MDFIC2: variants seen among roughly 807,000 people sequenced by gnomAD.
MDFIC2 encodes the protein MyoD family inhibitor domain containing 2.
At chr3:70,216,210 T>G (rs1398067668) in intron 2 of MDFIC2, among the ~76,000 whole-genome samples, 1 of 150,634 alleles carries the variant, frequency 6.6e-6, no homozygotes, top group Non-Finnish European at 1.5e-5. Context: ...CTAATTCTAC[T>G]TTATATATAA....
intron 2 of MDFIC2, among the ~76,000 whole-genome samples, chr3:70,261,428 C>G (rs1258124096): frequency 6.6e-6 from 1 of 152,196 alleles, no homozygotes; most frequent in Non-Finnish European, 1.5e-5. Context: ...CAGCTGCAGC[C>G]ATCTAGCACT....
At chr3:70,207,031 T>C (rs1701297967) in intron 2 of MDFIC2, among the ~76,000 whole-genome samples, 1 of 139,682 alleles carries the variant, frequency 7.2e-6, no homozygotes, top group Non-Finnish European at 1.5e-5. Context: ...CACTTATTTC[T>C]ACTTTTTTTT....
intron 2 of MDFIC2, among the ~76,000 whole-genome samples, chr3:70,244,007 C>A (rs1459289837): frequency 1.3e-5 from 2 of 152,102 alleles, no homozygotes; most frequent in East Asian, 3.9e-4. Flanking sequence ...CTTTCATCTC[C>A]CCTCTACGCA....
chr3:70,270,614 T>C (rs1197712437), intron 2 of MDFIC2, among the ~76,000 whole-genome samples: 1 of 152,170 alleles, frequency 6.6e-6, no homozygotes, highest in African/African-American at 2.4e-5. Context: ...GGGTTTTCTC[T>C]ATGTATATAC....
At chr3:70,308,552 C>A (rs1195995057) in intron 2 of MDFIC2, among the ~76,000 whole-genome samples, 1 of 152,078 alleles carries the variant, frequency 6.6e-6, no homozygotes, top group Non-Finnish European at 1.5e-5. Context: ...TGTGAACAGG[C>A]CCATGACCCA....
intron 2 of MDFIC2, among the ~76,000 whole-genome samples, chr3:70,222,483 G>A (rs1701469684): frequency 6.6e-6 from 1 of 152,188 alleles, no homozygotes; most frequent in African/African-American, 2.4e-5. Context: ...ACTTTGGATA[G>A]GTTGGTTTTC....
intron 2 of MDFIC2, among the ~76,000 whole-genome samples, chr3:70,290,242 T>C (rs1416190241): frequency 1.3e-5 from 2 of 152,314 alleles, no homozygotes; most frequent in East Asian, 1.9e-4. Context: ...GTTTTTGGTG[T>C]GGATGTCCTT....
intron 2 of MDFIC2, among the ~76,000 whole-genome samples, chr3:70,260,246 A>G (rs1362973726): frequency 6.6e-6 from 1 of 151,864 alleles, no homozygotes; most frequent in Non-Finnish European, 1.5e-5. Flanking sequence ...CCTAACTCCA[A>G]TCTCTGCCTT....
chr3:70,283,952 C>A (rs1702115064), intron 2 of MDFIC2: 1 of 152,052 alleles, frequency 6.6e-6, no homozygotes, highest in African/African-American at 2.4e-5. Flanking sequence ...TGCTTTACTT[C>A]TGATCCCTGA....
intron 2 of MDFIC2, among the ~76,000 whole-genome samples, chr3:70,223,855 A>G (rs945196638): frequency 2.0e-5 from 3 of 152,046 alleles, no homozygotes; most frequent in African/African-American, 7.2e-5. Flanking sequence ...TTTAGACTTA[A>G]TCTTTTTTCT....
intron 2 of MDFIC2, among the ~76,000 whole-genome samples, chr3:70,255,760 G>C (rs1254942482): frequency 2.0e-5 from 3 of 152,110 alleles, no homozygotes; most frequent in Non-Finnish European, 4.4e-5. Flanking sequence ...CCCAGCCAGG[G>C]GGCTATTTTT....
chr3:70,217,306 A>G (rs1424707878), intron 2 of MDFIC2, among the ~76,000 whole-genome samples: 1 of 152,154 alleles, frequency 6.6e-6, no homozygotes, highest in Non-Finnish European at 1.5e-5. Flanking sequence ...GATACCATGA[A>G]TACTCTTGAA....
intron 2 of MDFIC2, among the ~76,000 whole-genome samples, chr3:70,267,360 A>G (rs1472096578): frequency 7.0e-6 from 1 of 143,872 alleles, no homozygotes; most frequent in African/African-American, 2.6e-5. Flanking sequence ...AGGATTATAG[A>G]CTCTACTCTC....
intron 2 of MDFIC2, among the ~76,000 whole-genome samples, chr3:70,243,849 G>A (rs1240532833): frequency 6.6e-6 from 1 of 152,184 alleles, no homozygotes; most frequent in East Asian, 1.9e-4. Context: ...TGTCTAGGAG[G>A]ATATGTGGAG....
At chr3:70,301,692 T>C (rs937964501) in intron 2 of MDFIC2, among the ~76,000 whole-genome samples, 1 of 152,120 alleles carries the variant, frequency 6.6e-6, no homozygotes, top group Non-Finnish European at 1.5e-5. Flanking sequence ...GGAATCTTAA[T>C]TTGTGGCCTG....
At chr3:70,223,175 T>C (rs963493116) in intron 2 of MDFIC2, among the ~76,000 whole-genome samples, 7 of 152,214 alleles carry the variant, frequency 4.6e-5, no homozygotes, top group Non-Finnish European at 8.8e-5. Context: ...AACAGGGTGC[T>C]AACATGTGAA....
At chr3:70,202,844 G>A (rs9836145) in intron 3 of MDFIC2, among the ~76,000 whole-genome samples, 13,866 of 152,104 alleles carry the variant, frequency 0.091, 1,350 homozygotes, top group African/African-American at 0.25. Context: ...CTAATTAGGA[G>A]GGAGAATCTC....
chr3:70,218,780 T>C (rs1306615457), intron 2 of MDFIC2, among the ~76,000 whole-genome samples: 2 of 152,178 alleles, frequency 1.3e-5, no homozygotes, highest in Admixed American at 1.3e-4. Flanking sequence ...TCAGCATTTT[T>C]GGTAACCCAT....
intron 2 of MDFIC2, among the ~76,000 whole-genome samples, chr3:70,263,635 A>C (rs1459237401): frequency 3.3e-5 from 5 of 152,226 alleles, no homozygotes; most frequent in Non-Finnish European, 7.3e-5. Flanking sequence ...GATGGTATTC[A>C]GCAAAAGACT....
Sources: gnomAD v4.1 joint callset for allele counts (sites outside exome capture counted in the v4.1 genomes callset) on GRCh38, gnomAD v4.1.1 for gene constraint, MANE v1.5 for transcripts, NCBI Gene and HGNC (gene_info 2026-07-23, HGNC 2026-07-21) for gene names.